Variants in NBAS observed in about 807,000 individuals in gnomAD.
The protein encoded by NBAS is NAG/BC035112 fusion.
Under a neutral mutation model 302.5 loss-of-function variants are expected in NBAS, and 219 were observed. The ratio of observed to expected loss-of-function variants is 0.72; its 90% confidence interval spans 0.65 to 0.81. The LOEUF is 0.81. Among genes scored for constraint, NBAS ranks in the 30% least tolerant of loss-of-function variants. NBAS has a pLI of 0.00. For synonymous variants in NBAS, 1,118 were observed against 1,021.6 expected (o/e 1.09, Z -1.80); for missense variants, 2,932 against 2,841.6 (o/e 1.03, Z -0.72).
chr2:15,111,414 T>C, the NBAS span, among the ~76,000 whole-genome samples: 1 of 152,152 alleles, frequency 6.6e-6, no homozygotes, highest in East Asian at 1.9e-4. Flanking sequence ...GCTATTAGCA[T>C]CTGTGCAGAG....
At chr2:15,463,794 A>AAAAAT (rs1553318817) in intron 19 of NBAS, among the ~76,000 whole-genome samples, 1 of 151,636 alleles carries the variant, frequency 6.6e-6, no homozygotes, top group Non-Finnish European at 1.5e-5. Flanking sequence ...AATGCAAAAA[A>AAAAAT]AAAAAAAAAA....
At chr2:14,816,225 A>C in the NBAS span, among the ~76,000 whole-genome samples, 6 of 152,354 alleles carry the variant, frequency 3.9e-5, no homozygotes, top group African/African-American at 1.4e-4. Context: ...ACCGGACCAC[A>C]GAGCAGGAGG....
At chr2:14,915,941 C>T in the NBAS span, among the ~76,000 whole-genome samples, 1 of 152,118 alleles carries the variant, frequency 6.6e-6, no homozygotes, top group Non-Finnish European at 1.5e-5. Flanking sequence ...TGACTTGGTT[C>T]TCCTTGCCTA....
the NBAS span, among the ~76,000 whole-genome samples, chr2:15,001,432 C>T: frequency 6.6e-6 from 1 of 152,040 alleles, no homozygotes; most frequent in Non-Finnish European, 1.5e-5. Context: ...AGATATTAGA[C>T]TTATTAGGTG....
the NBAS span, among the ~76,000 whole-genome samples, chr2:15,050,247 T>A: frequency 1.6e-4 from 25 of 152,312 alleles, no homozygotes; most frequent in Middle Eastern, 6.8e-3. Context: ...ATCCTTTTTT[T>A]AAATTTTTTC....
Position 15,308,227 on chromosome 2 carries a change from G to A in NBAS, c.4786C>T (p.Pro1596Ser), listed in dbSNP as rs769010948. The A allele has an allele frequency of 6.2e-7, 1 of 1,614,172 alleles. No homozygotes were observed. The highest frequency in any genetic ancestry group is 2.2e-5 in the East Asian group (1 of 44,876). ...LAPCFRDKCH[P>S]LYRADPKELI... is the part of the protein sequence containing the mutation. ...TCATGAAGACTCACCCTGTAAAGAG[G>A]ATGGCACTTGTCCCTGAAACATGGG... is the stretch of plus-strand genomic sequence containing the variant. The change falls in exon 40 of 52, where the codon CCT (proline) becomes TCT (serine). Residue 1596 changes from proline (P) to serine (S), a missense_variant. Pro to Ser is a moderately conservative substitution (Grantham distance 74). Transcript: ENST00000281513.
intron 7 of NBAS, among the ~76,000 whole-genome samples, chr2:15,537,159 A>C (rs1663559713): frequency 6.6e-6 from 1 of 152,230 alleles, no homozygotes. Context: ...ACTTTGGCAT[A>C]AGGATTATTT....
chr2:15,134,955 G>A, the NBAS span, among the ~76,000 whole-genome samples: 3 of 152,098 alleles, frequency 2.0e-5, no homozygotes, highest in Admixed American at 6.5e-5. Flanking sequence ...CAAATTGAAT[G>A]CCATTCCCCC....
intron 21 of NBAS, among the ~76,000 whole-genome samples, chr2:15,430,534 C>A (rs1044663365): frequency 6.6e-6 from 1 of 152,170 alleles, no homozygotes; most frequent in Admixed American, 6.5e-5. Context: ...TTAGTCCTAT[C>A]AATCTAATGT....
the NBAS span, among the ~76,000 whole-genome samples, chr2:14,957,130 C>T: frequency 6.6e-6 from 1 of 152,106 alleles, no homozygotes; most frequent in East Asian, 1.9e-4. Context: ...ACATATTCTC[C>T]ATCAGAGCCT....
In NBAS at chr2:15,354,419, G is replaced by C. The variant is rs575799468; in HGVS notation, c.3932-709C>G. On this transcript the variant is annotated intron_variant, in intron 33 of 51. Transcript: ENST00000281513. ...GTCTAAGTACAAAACTTGTAGTACA[G>C]AATAATTTTTTTCTAAATATGTGAA... Among the ~76,000 whole-genome samples the C allele has an allele frequency of 4.6e-5, 7 of 152,196 alleles. No individual in the cohort carries two copies. In the South Asian group the frequency reaches 1.5e-3, roughly 32 times the overall value.
intron 28 of NBAS, among the ~76,000 whole-genome samples, chr2:15,388,352 A>G (rs916337828): frequency 2.6e-5 from 4 of 152,106 alleles, no homozygotes; most frequent in African/African-American, 9.7e-5. Flanking sequence ...TACCCTTATA[A>G]TGTTTTCCAC....
the NBAS span, among the ~76,000 whole-genome samples, chr2:14,785,932 C>A: frequency 4.8e-4 from 73 of 152,280 alleles, no homozygotes; most frequent in African/African-American, 1.7e-3. Flanking sequence ...TAGAATTCGG[C>A]TGTGAATCCA....
chr2:15,398,097 G>A (rs914422011), intron 26 of NBAS, among the ~76,000 whole-genome samples: 1 of 151,608 alleles, frequency 6.6e-6, no homozygotes, highest in Non-Finnish European at 1.5e-5. Context: ...AGCCGTGTGT[G>A]TGTGTGTGTG....
At chr2:15,478,605 G>A (rs889372997) in intron 12 of NBAS, among the ~76,000 whole-genome samples, 2 of 152,198 alleles carry the variant, frequency 1.3e-5, no homozygotes, top group Non-Finnish European at 2.9e-5. Context: ...ATGCACACAT[G>A]TGATGAATAA....
At chr2:15,393,711 G>C (rs1407029182) in intron 28 of NBAS, 3 of 470,646 alleles carry the variant, frequency 6.4e-6, no homozygotes, top group South Asian at 4.7e-5. Flanking sequence ...TCCACGGACA[G>C]AGAAGTGGTA....
At chr2:14,889,598 A>G in the NBAS span, among the ~76,000 whole-genome samples, 3 of 152,220 alleles carry the variant, frequency 2.0e-5, no homozygotes, top group Non-Finnish European at 2.9e-5. Flanking sequence ...CCATACAGGG[A>G]GTTTTGAGGA....
At chr2:15,230,125 G>A (rs918278851) in intron 47 of NBAS, among the ~76,000 whole-genome samples, 12 of 152,036 alleles carry the variant, frequency 7.9e-5, no homozygotes, top group Admixed American at 5.2e-4. Flanking sequence ...GGCCTGGCAC[G>A]GGCTCCTAGA....
the NBAS span, among the ~76,000 whole-genome samples, chr2:15,073,145 A>T: frequency 6.6e-6 from 1 of 152,064 alleles, no homozygotes; most frequent in African/African-American, 2.4e-5. Flanking sequence ...CAACAACAAA[A>T]AAGAATAACA....
Sources: allele counts gnomAD v4.1 joint callset (sites outside exome capture counted in the v4.1 genomes callset), GRCh38; gene constraint gnomAD v4.1.1; transcripts MANE v1.5; gene names NCBI Gene and HGNC (gene_info 2026-07-23, HGNC 2026-07-21).